CCDC73: variants seen among roughly 807,000 people sequenced by gnomAD.
CCDC73 encodes the protein coiled-coil domain-containing protein 73.
CCDC73 carries 95 observed loss-of-function variants against 116.5 expected under a neutral mutation model. The ratio of observed to expected loss-of-function variants is 0.82; its 90% confidence interval spans 0.69 to 0.97. The LOEUF (loss-of-function observed/expected upper bound fraction) is 0.97, where lower values mean the gene tolerates loss of function less well. Ranked by LOEUF, CCDC73 falls within the 50% of genes least tolerant of loss-of-function variation. The probability of loss-of-function intolerance (pLI) is 0.00; values close to 1 mark genes in which losing one functional copy is unlikely to be tolerated. For missense variants in CCDC73, 1,066 were observed against 1,206.8 expected (o/e 0.88, Z 1.73); for synonymous variants, 398 against 401.3 (o/e 0.99, Z 0.10).
chr11:32,637,798 A>G (rs1306837168), intron 13 of CCDC73, among the ~76,000 whole-genome samples: 3 of 152,092 alleles, frequency 2.0e-5, no homozygotes, highest in African/African-American at 7.2e-5. Context: ...TATTTCACCT[A>G]TAACTTCAAA....
At chr11:32,811,635 T>C in the CCDC73 span, among the ~76,000 whole-genome samples, 11 of 152,212 alleles carry the variant, frequency 7.2e-5, no homozygotes, top group Non-Finnish European at 1.5e-4. Flanking sequence ...ACTTATATTA[T>C]GTCAGAAGGC....
intron 9 of CCDC73, among the ~76,000 whole-genome samples, chr11:32,659,670 A>G (rs1452076347): frequency 6.6e-6 from 1 of 152,244 alleles, no homozygotes; most frequent in Admixed American, 6.5e-5. Context: ...AACACTTAGG[A>G]TGCTTTAGCT....
At chr11:32,663,188 A>G (rs958618974) in intron 9 of CCDC73, among the ~76,000 whole-genome samples, 2 of 152,058 alleles carry the variant, frequency 1.3e-5, no homozygotes, top group African/African-American at 4.8e-5. Context: ...TTGGTTCCAT[A>G]TGAACTTTAG....
At chr11:32,693,285 T>C (rs1194112158) in intron 6 of CCDC73, among the ~76,000 whole-genome samples, 3 of 152,232 alleles carry the variant, frequency 2.0e-5, no homozygotes, top group African/African-American at 4.8e-5. Flanking sequence ...CAGGTTTCCT[T>C]GCCTAGTGGA....
At chr11:32,765,715 A>G (rs2133382171) in intron 1 of CCDC73, among the ~76,000 whole-genome samples, 1 of 152,352 alleles carries the variant, frequency 6.6e-6, no homozygotes, top group South Asian at 2.1e-4. Context: ...TAGAGAAGCA[A>G]GAGCAAATGC....
intron 9 of CCDC73, among the ~76,000 whole-genome samples, chr11:32,662,287 T>C (rs938040652): frequency 2.6e-5 from 4 of 152,218 alleles, no homozygotes; most frequent in African/African-American, 9.6e-5. Context: ...TTGAACTAGT[T>C]TACAGTCCCA....
rs71063758 is a variant in CCDC73 at position 32,776,989 on chromosome 11, GTATATATATATATA to G, written c.-15-16745_-15-16732del. Reference sequence around the variant, plus strand: ...CACACACACATATATATATACACATGTATATATATATATATATATATATATATATATATAATTGA... The same window carrying G: ...CACACACACATATATATATACACATGTATATATATATATATATATAATTGA... On this transcript the variant is annotated intron_variant, in intron 1 of 17. Transcript: ENST00000335185. Among the ~76,000 whole-genome samples the G allele has an allele frequency of 1.8e-3, 182 of 101,124 alleles. 2 individuals are homozygous for G. The highest frequency in any genetic ancestry group is 4.5e-3 in the African/African-American group (122 of 27,018). The allele number at this position is 101,124 out of a possible 152,430, so 66.3% of individuals were successfully genotyped here. A position where few individuals can be genotyped will look rare whatever the true frequency, so the allele number is the denominator to read the frequency against.
chr11:32,610,339 A>AT (rs1855409489), intron 17 of CCDC73, among the ~76,000 whole-genome samples: 1 of 152,096 alleles, frequency 6.6e-6, no homozygotes, highest in Admixed American at 6.5e-5. Context: ...ATAGTTCCTG[A>AT]TTTTTGTCTC....
intron 5 of CCDC73, 125 bp downstream of exon 5, chr11:32,700,666 T>C (rs75371193): frequency 0.04 from 19,596 of 494,214 alleles, 497 homozygotes; most frequent in Middle Eastern, 0.052. Flanking sequence ...TATTAGTTTG[T>C]TACTAATGCT....
the CCDC73 span, among the ~76,000 whole-genome samples, chr11:32,822,930 C>T: frequency 6.6e-6 from 1 of 152,044 alleles, no homozygotes; most frequent in African/African-American, 2.4e-5. Flanking sequence ...ATAGTAGGTT[C>T]AATACATGCC....
Position 32,602,737 on chromosome 11 carries a change from A to G in CCDC73, c.*74T>C, listed in dbSNP as rs563209933. 10 of 1,134,470 alleles carry G rather than the reference A, an allele frequency of 8.8e-6. No individual in the cohort carries two copies. Among genetic ancestry groups the G allele is most frequent in the Non-Finnish European group, 1.2e-5 (10 of 810,682 alleles). 70.3% of individuals were successfully genotyped at this position (1,134,470 alleles called of 1,614,324 possible). On this transcript the variant is annotated 3_prime_UTR_variant, in exon 18 of 18. Coordinates refer to ENST00000335185, the MANE Select transcript of CCDC73 (RefSeq NM_001008391.4). ...CAAACTGTAGAGCTTTAAATACAAC[A>G]GTCATTTTATTCTAGTAAAAACTAT... is the stretch of plus-strand genomic sequence containing the variant.
At chr11:32,719,517 A>C (rs935354274) in intron 2 of CCDC73, among the ~76,000 whole-genome samples, 1 of 152,198 alleles carries the variant, frequency 6.6e-6, no homozygotes, top group Non-Finnish European at 1.5e-5. Context: ...CTAGAAAGTG[A>C]GAAGAGTCTG....
At chr11:32,683,509 G>T in intron 7 of CCDC73, 27 bp downstream of exon 7, 1 of 1,446,240 alleles carries the variant, frequency 6.9e-7, no homozygotes, top group Non-Finnish European at 9.7e-7. Flanking sequence ...TCCAGATGGG[G>T]GAAAATATGT....
intron 2 of CCDC73, among the ~76,000 whole-genome samples, chr11:32,749,841 C>T (rs1324015385): frequency 6.6e-6 from 1 of 151,452 alleles, no homozygotes; most frequent in South Asian, 2.1e-4. Flanking sequence ...AATTACCAAG[C>T]AGGGACTCAT....
intron 9 of CCDC73, among the ~76,000 whole-genome samples, chr11:32,662,846 T>G (rs1403566767): frequency 6.6e-6 from 1 of 152,296 alleles, no homozygotes; most frequent in Middle Eastern, 3.4e-3. Flanking sequence ...CTTTAATCCA[T>G]CTTGAATTAA....
the CCDC73 span, among the ~76,000 whole-genome samples, chr11:32,802,639 C>T: frequency 6.6e-6 from 1 of 152,226 alleles, no homozygotes; most frequent in Non-Finnish European, 1.5e-5. Context: ...ACAAGCAATT[C>T]CTGGTGATTA....
At chr11:32,641,744 C>T (rs1855735086) in intron 13 of CCDC73, among the ~76,000 whole-genome samples, 1 of 148,944 alleles carries the variant, frequency 6.7e-6, no homozygotes, top group African/African-American at 2.5e-5. Flanking sequence ...TGCATATATA[C>T]ACAAACATGT....
rs78814317 is a variant in CCDC73 at position 32,753,242 on chromosome 11, T to A, written c.135+6867A>T. On this transcript the variant is annotated intron_variant, in intron 2 of 17. Transcript: ENST00000335185. Reference sequence around the variant, plus strand: ...AAGAATATAAGAATTGTTTCTTATGTTTTCTAGTATTTGTAGAGTGTTTTT... The same window carrying A: ...AAGAATATAAGAATTGTTTCTTATGATTTCTAGTATTTGTAGAGTGTTTTT... Among the ~76,000 whole-genome samples, 1,497 of 152,208 alleles carry A rather than the reference T, an allele frequency of 9.8e-3. 10 individuals are homozygous for A. The highest frequency in any genetic ancestry group is 0.014 in the Non-Finnish European group (921 of 67,992).
At chr11:32,793,843 T>G (rs1028393789) in intron 1 of CCDC73, among the ~76,000 whole-genome samples, 2 of 152,040 alleles carry the variant, frequency 1.3e-5, no homozygotes, top group Admixed American at 6.6e-5. Flanking sequence ...ACTCCTGACC[T>G]CAGGTGATCC....
Sources: allele counts gnomAD v4.1 joint callset (sites outside exome capture counted in the v4.1 genomes callset), GRCh38; gene constraint gnomAD v4.1.1; transcripts MANE v1.5; gene names NCBI Gene and HGNC (gene_info 2026-07-23, HGNC 2026-07-21).